Variants in CDIN1 observed in about 807,000 individuals in gnomAD.
The protein encoded by CDIN1 is CDAN1 interacting nuclease 1.
CDIN1 carries 33 observed loss-of-function variants against 45.3 expected under a neutral mutation model. The observed-to-expected ratio is 0.73, with a 90% CI of 0.55 to 0.97. The LOEUF is 0.97. Among genes scored for constraint, CDIN1 ranks in the 50% least tolerant of loss-of-function variants. The pLI is 0.00. For synonymous variants in CDIN1, 118 were observed against 124.4 expected, an observed-to-expected ratio of 0.95 and a Z score of 0.34; for missense variants, 303 against 339.4, an observed-to-expected ratio of 0.89 and a Z score of 0.84.
At chr15:36,689,619 G>T (rs1052420261) in intron 5 of CDIN1, among the ~76,000 whole-genome samples, 1 of 152,152 alleles carries the variant, frequency 6.6e-6, no homozygotes, top group South Asian at 2.1e-4. Flanking sequence ...CAACTGCTTT[G>T]GTCCCCTCTG....
chr15:36,656,870 A>G (rs2040804567), intron 4 of CDIN1, among the ~76,000 whole-genome samples: 1 of 152,188 alleles, frequency 6.6e-6, no homozygotes, highest in South Asian at 2.1e-4. Context: ...TTTGGTATGA[A>G]TACGGGACTT....
intron 5 of CDIN1, among the ~76,000 whole-genome samples, chr15:36,686,842 G>C (rs890661880): frequency 7.7e-6 from 1 of 129,182 alleles, no homozygotes; most frequent in Non-Finnish European, 1.7e-5. Context: ...GGGAGGGAGA[G>C]AGGGAGGGAG....
In CDIN1 at chr15:36,581,463, A is replaced by G. The variant is rs544085197; in HGVS notation, c.101+1502A>G. On this transcript the variant is annotated intron_variant, in intron 1 of 10. Coordinates refer to ENST00000566621, the MANE Select transcript of CDIN1 (RefSeq NM_001321759.2). ...TATGCTCTTTTCTTTCTTATTCATGATATACTCAAATCTTTTTCACTTCTC... is the reference window on the plus strand; with the variant it reads ...TATGCTCTTTTCTTTCTTATTCATGGTATACTCAAATCTTTTTCACTTCTC... Among the ~76,000 whole-genome samples the G allele has an allele frequency of 1.1e-4, 17 of 152,248 alleles. No individual in the cohort carries two copies. The South Asian group carries it at 3.5e-3, about 32-fold the overall frequency.
intron 1 of CDIN1, among the ~76,000 whole-genome samples, chr15:36,583,247 A>C (rs2037129606): frequency 6.6e-6 from 1 of 152,022 alleles, no homozygotes; most frequent in Non-Finnish European, 1.5e-5. Flanking sequence ...TAGATTCTTT[A>C]TGGCTTTGTT....
intron 5 of CDIN1, among the ~76,000 whole-genome samples, chr15:36,690,996 C>T (rs1455551220): frequency 6.6e-6 from 1 of 152,026 alleles, no homozygotes; most frequent in Non-Finnish European, 1.5e-5. Context: ...TAGCAGTTCC[C>T]TTGGGGTTCA....
At chr15:36,672,184 ACT>A (rs1451406529) in intron 5 of CDIN1, among the ~76,000 whole-genome samples, 2 of 151,778 alleles carry the variant, frequency 1.3e-5, no homozygotes, top group Non-Finnish European at 1.5e-5. Context: ...AGTTTTTTGT[ACT>A]GTTTCTTTTT....
At chr15:36,673,171 A>G (rs917629728) in intron 5 of CDIN1, among the ~76,000 whole-genome samples, 2 of 152,118 alleles carry the variant, frequency 1.3e-5, no homozygotes, top group Non-Finnish European at 2.9e-5. Context: ...TTGGAAAATC[A>G]AATGAGGGCT....
At chr15:36,585,407 T>G (rs2037248764) in intron 1 of CDIN1, among the ~76,000 whole-genome samples, 1 of 152,236 alleles carries the variant, frequency 6.6e-6, no homozygotes, top group Non-Finnish European at 1.5e-5. Flanking sequence ...TGACAGTTTC[T>G]TACTATTTCT....
At chr15:36,800,838 T>C (rs908482068) in intron 10 of CDIN1, among the ~76,000 whole-genome samples, 2 of 144,388 alleles carry the variant, frequency 1.4e-5, no homozygotes, top group Non-Finnish European at 3.0e-5. Context: ...AAGAAATATA[T>C]ATATGATTAT....
chr15:36,679,094 A>G (rs1351940280), intron 5 of CDIN1, among the ~76,000 whole-genome samples: 1 of 99,448 alleles, frequency 1.0e-5, no homozygotes, highest in African/African-American at 4.0e-5. Flanking sequence ...ACAGAAGTAG[A>G]AAGGACTTCT....
At chr15:36,789,420 G>A (rs967888835) in intron 10 of CDIN1, among the ~76,000 whole-genome samples, 1 of 152,162 alleles carries the variant, frequency 6.6e-6, no homozygotes, top group African/African-American at 2.4e-5. Flanking sequence ...GGTGGGCATT[G>A]AGTCAATATA....
intron 10 of CDIN1, among the ~76,000 whole-genome samples, chr15:36,750,066 A>T (rs187332356): frequency 3.3e-5 from 5 of 152,278 alleles, no homozygotes; most frequent in Admixed American, 3.3e-4. Flanking sequence ...TCCAGAGCCT[A>T]GAAAAGAATT....
At chr15:36,731,336 A>G (rs1449585333) in intron 10 of CDIN1, among the ~76,000 whole-genome samples, 1 of 152,048 alleles carries the variant, frequency 6.6e-6, no homozygotes, top group African/African-American at 2.4e-5. Flanking sequence ...CATCCTTTTC[A>G]TTTTGAATTT....
chr15:36,732,969 T>C (rs1396593408), intron 10 of CDIN1, among the ~76,000 whole-genome samples: 1 of 152,024 alleles, frequency 6.6e-6, no homozygotes, highest in Non-Finnish European at 1.5e-5. Flanking sequence ...AGAAAATGGG[T>C]AAGAAATTCT....
chr15:36,774,161 T>C (rs140789916), intron 10 of CDIN1, among the ~76,000 whole-genome samples: 1,427 of 50,628 alleles, frequency 0.028, 10 homozygotes, highest in African/African-American at 0.043. Flanking sequence ...TGTGTGTGTG[T>C]GTGCGCGCGC....
At chr15:36,774,105 AGG>A (rs2054147285) in intron 10 of CDIN1, among the ~76,000 whole-genome samples, 1 of 150,750 alleles carries the variant, frequency 6.6e-6, no homozygotes, top group South Asian at 2.1e-4. Flanking sequence ...CCACACCCCC[AGG>A]CACCTGCCGG....
intron 10 of CDIN1, among the ~76,000 whole-genome samples, chr15:36,750,423 CAG>C (rs1200805283): frequency 2.0e-5 from 3 of 152,148 alleles, no homozygotes; most frequent in African/African-American, 7.2e-5. Context: ...AGCAAAGGCT[CAG>C]AAAGATAAAG....
In CDIN1 at chr15:36,691,671, C is replaced by T. The variant is rs1348307390; in HGVS notation, c.347-14C>T. 2 of 1,556,372 alleles carry T rather than the reference C, an allele frequency of 1.3e-6. No homozygotes were observed. Among genetic ancestry groups the T allele is most frequent in the Non-Finnish European group, 1.8e-6 (2 of 1,137,170 alleles). The stretch of plus-strand genomic sequence containing the variant: ...TTGACTATCTGCTAACAGTTCATCT[C>T]TTTTCTTCTACAGCCTCCAAGTCTA... On this transcript the variant is annotated splice_polypyrimidine_tract_variant and intron_variant, in intron 5 of 10. Coordinates refer to ENST00000566621, the MANE Select transcript of CDIN1 (RefSeq NM_001321759.2).
intron 10 of CDIN1, among the ~76,000 whole-genome samples, chr15:36,770,698 C>T (rs2054053697): frequency 6.6e-6 from 1 of 152,170 alleles, no homozygotes; most frequent in East Asian, 1.9e-4. Flanking sequence ...ATCCGCCCAC[C>T]TCAGCCTCCC....
Sources: gnomAD v4.1 joint callset for allele counts (sites outside exome capture counted in the v4.1 genomes callset) on GRCh38, gnomAD v4.1.1 for gene constraint, MANE v1.5 for transcripts, NCBI Gene and HGNC (gene_info 2026-07-23, HGNC 2026-07-21) for gene names.